The following PRPSAP1 variants were observed in gnomAD, a reference collection of about 807,000 sequenced individuals.
PRPSAP1 encodes phosphoribosyl pyrophosphate synthetase associated protein 1, also known as phosphoribosyl pyrophosphate synthase-associated protein 1.
A neutral mutation model predicts 39.4 loss-of-function variants in PRPSAP1; 31 were observed. The observed-to-expected ratio is 0.79, with a 90% CI of 0.59 to 1.06. The LOEUF is 1.06. PRPSAP1 is among the 50% of genes least tolerant of loss of function. The probability of loss-of-function intolerance (pLI) is 0.00; values close to 1 mark genes in which losing one functional copy is unlikely to be tolerated. For missense variants in PRPSAP1, 430 were observed against 511.6 expected (o/e 0.84, Z 1.54); for synonymous variants, 212 against 192.6 (o/e 1.10, Z -0.83).
In PRPSAP1 at chr17:76,326,846, T is replaced by G. The variant is rs1026001191; in HGVS notation, c.781+1871A>C. Among the ~76,000 whole-genome samples the G allele has an allele frequency of 3.3e-5, 5 of 152,046 alleles. No individual in the cohort carries two copies. In the South Asian group the frequency reaches 1.0e-3, roughly 32 times the overall value. ...GTCTGATAATGATACTCTGGTTATA[T>G]AAGAGTCTTTTGTCTTTACAAATAT... On this transcript the variant is annotated intron_variant, in intron 7 of 9. Transcript: ENST00000446526.
intron 3 of PRPSAP1, among the ~76,000 whole-genome samples, chr17:76,341,801 T>TG (rs1440106929): frequency 6.6e-6 from 1 of 151,896 alleles, no homozygotes; most frequent in Non-Finnish European, 1.5e-5. Flanking sequence ...TAGCCGGGCG[T>TG]GGTGGTGGGC....
At chr17:76,312,068 C>T (rs1343729349) in intron 9 of PRPSAP1, among the ~76,000 whole-genome samples, 1 of 152,170 alleles carries the variant, frequency 6.6e-6, no homozygotes, top group African/African-American at 2.4e-5. Context: ...CATATACAGA[C>T]CCTCAACATA....
intron 7 of PRPSAP1, among the ~76,000 whole-genome samples, chr17:76,315,550 C>A (rs924024813): frequency 7.4e-5 from 11 of 149,118 alleles, no homozygotes; most frequent in African/African-American, 2.4e-4. Context: ...AAGACAACTT[C>A]TTGAATTTGG....
At chr17:76,341,236 T>G (rs1362956393) in intron 3 of PRPSAP1, among the ~76,000 whole-genome samples, 2 of 9,504 alleles carry the variant, frequency 2.1e-4, no homozygotes. Flanking sequence ...TTTTTTTTGT[T>G]TTTTTTTTTT....
At chr17:76,335,319 G>C (rs2071366345) in intron 3 of PRPSAP1, among the ~76,000 whole-genome samples, 1 of 151,932 alleles carries the variant, frequency 6.6e-6, no homozygotes, top group Admixed American at 6.6e-5. Context: ...AGTAGCTTCT[G>C]TAAGCGTTAT....
intron 3 of PRPSAP1, among the ~76,000 whole-genome samples, chr17:76,336,581 A>C (rs994030977): frequency 6.6e-6 from 1 of 151,056 alleles, no homozygotes; most frequent in African/African-American, 2.4e-5. Flanking sequence ...AAAAATACAA[A>C]ATTAGCCAGG....
At chr17:76,330,280 A>T in intron 5 of PRPSAP1, 182 bp from the exon 6 acceptor site, 1 of 600,420 alleles carries the variant, frequency 1.7e-6, no homozygotes, top group South Asian at 2.3e-5. Context: ...AAGCACTCCT[A>T]CGTCAAGAAT....
intron 3 of PRPSAP1, among the ~76,000 whole-genome samples, chr17:76,335,522 A>AG (rs1278748228): frequency 6.6e-6 from 1 of 151,656 alleles, no homozygotes; most frequent in African/African-American, 2.4e-5. Context: ...TGCCCAGCTA[A>AG]TTTTTGTATT....
intron 3 of PRPSAP1, chr17:76,337,467 A>C (rs1278685068): frequency 3.9e-5 from 6 of 152,380 alleles, no homozygotes; most frequent in African/African-American, 1.4e-4. Flanking sequence ...TGAGATGAGG[A>C]AACAGGCATG....
intron 2 of PRPSAP1, among the ~76,000 whole-genome samples, chr17:76,346,422 G>A (rs1371109436): frequency 6.6e-6 from 1 of 152,138 alleles, no homozygotes; most frequent in Non-Finnish European, 1.5e-5. Flanking sequence ...AGACAAATTT[G>A]TTTCTATGTC....
intron 8 of PRPSAP1, 62 bp from the exon 9 acceptor site, chr17:76,313,078 C>G (rs2071086841): frequency 1.9e-6 from 3 of 1,550,188 alleles, no homozygotes; most frequent in Non-Finnish European, 2.6e-6. Flanking sequence ...ACTGTCAATG[C>G]ACACACCACT....
chr17:76,343,901 C>T lies in PRPSAP1; in HGVS notation c.290+770G>A, dbSNP rs1169278870. Among the ~76,000 whole-genome samples, 4 of 152,214 alleles carry T rather than the reference C, an allele frequency of 2.6e-5. No homozygotes were observed. The East Asian group carries it at 7.7e-4, about 29-fold the overall frequency. On this transcript the variant is annotated intron_variant, in intron 3 of 9. Coordinates refer to ENST00000446526, the MANE Select transcript of PRPSAP1 (RefSeq NM_002766.3). ...GACAAATGGTAGGAATTCCAGAAGA[C>T]AGTAATTGTATTTGGGGAAGCATTT...
chr17:76,352,656 AAAAAAAAAAAAG>A (rs1409771687), intron 1 of PRPSAP1, among the ~76,000 whole-genome samples: 8 of 151,102 alleles, frequency 5.3e-5, no homozygotes, highest in Middle Eastern at 6.9e-3. Context: ...AAAAAAAAAA[AAAAAAAAAAAAG>A]AAAAGAAAAA....
chr17:76,352,644 CAAAAAAAAA>C (rs55986677), intron 1 of PRPSAP1, among the ~76,000 whole-genome samples: 4 of 53,588 alleles, frequency 7.5e-5, no homozygotes, highest in Non-Finnish European at 1.6e-4. Context: ...GACTCCGTCT[CAAAAAAAAA>C]AAAAAAAAAA....
At position 76,328,641 on chromosome 17, in the gene PRPSAP1, A is replaced by G. The variant is rs1437995812; in HGVS notation, c.781+76T>C. Reference sequence around the variant, plus strand: ...AAACAAAACAAAACAAAACAACAACAACAAAACCAACAAAACCAACAAAAA... The same window carrying G: ...AAACAAAACAAAACAAAACAACAACGACAAAACCAACAAAACCAACAAAAA... On this transcript the variant is annotated intron_variant, in intron 7 of 9. Transcript: ENST00000446526. 4 of 1,514,362 alleles carry G rather than the reference A, an allele frequency of 2.6e-6. No individual in the cohort carries two copies. In the African/African-American group the frequency reaches 5.6e-5, roughly 21 times the overall value. The allele number at this position is 1,514,362 out of a possible 1,614,324, so 93.8% of individuals were successfully genotyped here. A position where few individuals can be genotyped will look rare whatever the true frequency, so the allele number is the denominator to read the frequency against.
At chr17:76,342,876 A>G (rs1449610805) in intron 3 of PRPSAP1, among the ~76,000 whole-genome samples, 2 of 152,216 alleles carry the variant, frequency 1.3e-5, no homozygotes, top group African/African-American at 4.8e-5. Flanking sequence ...CCAGGAGTTC[A>G]AGACCAGCCT....
chr17:76,328,963 G>A, intron 6 of PRPSAP1, 101 bp from the exon 7 acceptor site: 1 of 1,339,720 alleles, frequency 7.5e-7, no homozygotes, highest in Non-Finnish European at 1.0e-6. Flanking sequence ...TAACGTTTCA[G>A]GGACATACAA....
intron 9 of PRPSAP1, 22 bp from the exon 10 acceptor site, chr17:76,311,722 A>G: frequency 1.2e-6 from 2 of 1,606,770 alleles, no homozygotes; most frequent in Non-Finnish European, 1.7e-6. Flanking sequence ...GTGATGGAAA[A>G]CAAACGCTGT....
intron 9 of PRPSAP1, 67 bp downstream of exon 9, chr17:76,312,803 G>A: frequency 6.5e-7 from 1 of 1,546,128 alleles, no homozygotes. Flanking sequence ...AGTATTGACT[G>A]AATCATTTTA....
Sources: allele counts gnomAD v4.1 joint callset (sites outside exome capture counted in the v4.1 genomes callset), GRCh38; gene constraint gnomAD v4.1.1; transcripts MANE v1.5; gene names NCBI Gene and HGNC (gene_info 2026-07-23, HGNC 2026-07-21).